The following ZNF100 variants were observed in gnomAD, a reference collection of about 807,000 sequenced individuals.
ZNF100 encodes zinc finger protein 100 (Y1).
Under a neutral mutation model 15.8 loss-of-function variants are expected in ZNF100, and 12 were observed. The observed-to-expected ratio is 0.76, with a 90% CI of 0.49 to 1.23. The LOEUF (loss-of-function observed/expected upper bound fraction) is 1.23, where lower values mean the gene tolerates loss of function less well. Ranked by LOEUF, ZNF100 falls within the 50% of genes most tolerant of loss-of-function variation. ZNF100 has a pLI of 0.00. For missense variants in ZNF100, 670 were observed against 635.6 expected (o/e 1.05, Z -0.58); for synonymous variants, 226 against 214.8 (o/e 1.05, Z -0.45).
Position 21,727,527 on chromosome 19 carries a change from T to G in ZNF100, c.785A>C (p.Lys262Thr). Residue 262 changes from lysine (K) to threonine (T), a missense_variant, in exon 5 of 5, where the codon AAA becomes ACA. Transcript: ENST00000358296. The part of the protein sequence containing the change: ...RRIHTGEKPY[K>T]CEECGKAFNR... ...AAATGCTTTCCCACATTCTTCACAT[T>G]TGTAGGGTTTCTCTCCAGTATGAAT... 6.2e-7 allele frequency: 1 copy of G among 1,613,804 alleles called. No individual in the cohort carries two copies. Among genetic ancestry groups the G allele is most frequent in the Non-Finnish European group, 8.5e-7 (1 of 1,179,838 alleles).
chr19:21,750,818 G>T, intron 2 of ZNF100: 1 of 434,350 alleles, frequency 2.3e-6, no homozygotes, highest in East Asian at 3.4e-5. Context: ...GAAGGCGCCA[G>T]CCCCGGCCCA....
At chr19:21,735,247 A>C (rs1052314850) in intron 4 of ZNF100, among the ~76,000 whole-genome samples, 4 of 152,050 alleles carry the variant, frequency 2.6e-5, no homozygotes, top group African/African-American at 9.7e-5. Context: ...TTAATACCAG[A>C]ACTTTTGGAG....
intron 4 of ZNF100, among the ~76,000 whole-genome samples, chr19:21,741,871 T>A (rs2036115741): frequency 6.6e-6 from 1 of 152,064 alleles, no homozygotes; most frequent in South Asian, 2.1e-4. Flanking sequence ...GGAAAGGGAA[T>A]CTCCCTGTGT....
intron 2 of ZNF100, among the ~76,000 whole-genome samples, chr19:21,749,189 G>C (rs943538878): frequency 1.3e-5 from 2 of 151,682 alleles, no homozygotes; most frequent in African/African-American, 2.4e-5. Context: ...TTTATCTTTT[G>C]AGTCACCGGA....
chr19:21,767,549 T>TGA lies in ZNF100; in HGVS notation c.-121_-120insTC, dbSNP rs1555710033. 1.4e-6 allele frequency: 2 copies of TGA among 1,440,050 alleles called. No homozygotes were observed. Among genetic ancestry groups the TGA allele is most frequent in the Non-Finnish European group, 1.9e-6 (2 of 1,058,588 alleles). The allele number at this position is 1,440,050 out of a possible 1,614,324, so 89.2% of individuals were successfully genotyped here. A position where few individuals can be genotyped will look rare whatever the true frequency, so the allele number is the denominator to read the frequency against. ...GACACAGAGAAGTGAGAGCAAAACCTGGAGCTCCGGCTACAGCGAGAGACA... is the reference window on the plus strand; with the variant it reads ...GACACAGAGAAGTGAGAGCAAAACCTGAGGAGCTCCGGCTACAGCGAGAGACA... On this transcript the variant is annotated 5_prime_UTR_variant, in exon 1 of 5. Transcript: ENST00000358296.
At chr19:21,754,390 T>C (rs35447051) in intron 2 of ZNF100, among the ~76,000 whole-genome samples, 14,229 of 152,220 alleles carry the variant, frequency 0.093, 897 homozygotes, top group South Asian at 0.18. Flanking sequence ...ATTAAAAACA[T>C]ATCATTATTT....
intron 2 of ZNF100, among the ~76,000 whole-genome samples, chr19:21,745,586 A>G (rs938589547): frequency 4.0e-5 from 6 of 151,256 alleles, no homozygotes; most frequent in African/African-American, 1.5e-4. Flanking sequence ...GCAGTGGCGC[A>G]ATCTCGGCTC....
chr19:21,728,531 T>C (rs1283027028), intron 4 of ZNF100, among the ~76,000 whole-genome samples: 2 of 152,094 alleles, frequency 1.3e-5, no homozygotes, highest in East Asian at 3.8e-4. Flanking sequence ...TAGCACGTGA[T>C]TATTATTAAG....
At chr19:21,738,867 T>TC (rs967202004) in intron 4 of ZNF100, among the ~76,000 whole-genome samples, 4 of 151,830 alleles carry the variant, frequency 2.6e-5, no homozygotes, top group African/African-American at 9.7e-5. Flanking sequence ...ATTGCATGAA[T>TC]CAGGGAGGTG....
chr19:21,733,499 CACA>C lies in ZNF100; in HGVS notation c.323-5513_323-5511del, dbSNP rs1453462705. Reference sequence around the variant, plus strand: ...AAAATAAAAAATAATCAAAGCAAGTCACAACAAAATTAAAACAAACAAAAATTA... The same window carrying C: ...AAAATAAAAAATAATCAAAGCAAGTCACAAAATTAAAACAAACAAAAATTA... On this transcript the variant is annotated intron_variant, in intron 4 of 4. Coordinates refer to ENST00000358296, the MANE Select transcript of ZNF100 (RefSeq NM_173531.4). Among the ~76,000 whole-genome samples, 7 of 152,114 alleles carry C rather than the reference CACA, an allele frequency of 4.6e-5. No homozygotes were observed. In the South Asian group the frequency reaches 6.2e-4, roughly 14 times the overall value.
Position 21,725,522 on chromosome 19 carries a change from TAG to T in ZNF100, c.*1159_*1160del, listed in dbSNP as rs2035763019. The T allele has an allele frequency of 3.9e-5, 6 of 152,168 alleles. No individual in the cohort carries two copies. Among genetic ancestry groups the T allele is most frequent in the Non-Finnish European group, 7.4e-5 (5 of 68,002 alleles). 9.4% of individuals were successfully genotyped at this position (152,168 alleles called of 1,614,324 possible). Reference sequence around the variant, plus strand: ...ATCTCATATTTTAATGTCTTTTTCATAGCAAAGTTTATAAATAATGCTCACCT... The same window carrying T: ...ATCTCATATTTTAATGTCTTTTTCATCAAAGTTTATAAATAATGCTCACCT... On this transcript the variant is annotated 3_prime_UTR_variant, in exon 5 of 5. Transcript: ENST00000358296.
At chr19:21,747,002 C>G (rs868374544) in intron 2 of ZNF100, 14 of 152,218 alleles carry the variant, frequency 9.2e-5, no homozygotes, top group Admixed American at 3.3e-4. Flanking sequence ...AAAAGTCCAC[C>G]CATACCTCTC....
chr19:21,725,077 A>C lies in ZNF100; in HGVS notation c.*1606T>G. ...AAAATAAAATAAAATAAAAACAAAA[A>C]TTTAACCTACAGAAATAATATTCTT... On this transcript the variant is annotated 3_prime_UTR_variant, in exon 5 of 5. Coordinates refer to ENST00000358296, the MANE Select transcript of ZNF100 (RefSeq NM_173531.4). 6.6e-6 allele frequency: 1 copy of C among 152,282 alleles called. No individual in the cohort carries two copies. The highest frequency in any genetic ancestry group is 2.4e-5 in the African/African-American group (1 of 41,568). The allele number at this position is 152,282 out of a possible 1,614,324, so 9.4% of individuals were successfully genotyped here. A position where few individuals can be genotyped will look rare whatever the true frequency, so the allele number is the denominator to read the frequency against.
Position 21,726,089 on chromosome 19 carries a change from ATC to A in ZNF100, c.*592_*593del. ...TCTAATACAAAACGTGTACAGTAAG[ATC>A]TGTGATACAAGTAAACATATTACAA... On this transcript the variant is annotated 3_prime_UTR_variant, in exon 5 of 5. Transcript: ENST00000358296. 6.6e-6 allele frequency: 1 copy of A among 152,404 alleles called. No homozygotes were observed. Among genetic ancestry groups the A allele is most frequent in the South Asian group, 2.1e-4 (1 of 4,838 alleles). The allele number at this position is 152,404 out of a possible 1,614,324, so 9.4% of individuals were successfully genotyped here. A position where few individuals can be genotyped will look rare whatever the true frequency, so the allele number is the denominator to read the frequency against.
intron 4 of ZNF100, among the ~76,000 whole-genome samples, chr19:21,734,576 C>A (rs1037564373): frequency 2.0e-5 from 3 of 152,092 alleles, no homozygotes; most frequent in Non-Finnish European, 4.4e-5. Flanking sequence ...ACCAAACTTA[C>A]AACTGATTGC....
At chr19:21,729,185 C>T (rs2035869249) in intron 4 of ZNF100, among the ~76,000 whole-genome samples, 1 of 151,986 alleles carries the variant, frequency 6.6e-6, no homozygotes, top group South Asian at 2.1e-4. Context: ...TTTTGCAGGC[C>T]AGAAGGGAAG....
intron 4 of ZNF100, among the ~76,000 whole-genome samples, chr19:21,730,523 A>G (rs188241807): frequency 6.6e-6 from 1 of 152,036 alleles, no homozygotes; most frequent in South Asian, 2.1e-4. Context: ...ATATTGATAG[A>G]ACTGAAGAAA....
intron 2 of ZNF100, among the ~76,000 whole-genome samples, chr19:21,754,638 T>C (rs2036363780): frequency 6.6e-6 from 1 of 152,104 alleles, no homozygotes; most frequent in African/African-American, 2.4e-5. Context: ...AAAATTAACT[T>C]ATACAAAAAG....
chr19:21,747,200 T>C (rs1012519876), intron 2 of ZNF100, among the ~76,000 whole-genome samples: 1 of 152,154 alleles, frequency 6.6e-6, no homozygotes, highest in Non-Finnish European at 1.5e-5. Flanking sequence ...GTAACCACCC[T>C]TTAGTGCAAA....
Sources: allele counts gnomAD v4.1 joint callset (sites outside exome capture counted in the v4.1 genomes callset), GRCh38; gene constraint gnomAD v4.1.1; transcripts MANE v1.5; gene names NCBI Gene and HGNC (gene_info 2026-07-23, HGNC 2026-07-21).